The following HTT variants were observed in gnomAD, a reference collection of about 807,000 sequenced individuals.
HTT encodes huntington disease protein.
HTT carries 104 observed loss-of-function variants against 362.3 expected under a neutral mutation model. The ratio of observed to expected loss-of-function variants is 0.29; its 90% CI spans 0.24 to 0.34. The LOEUF is 0.34. Ranked by LOEUF, HTT falls within the 10% of genes least tolerant of loss-of-function variation. The pLI is 1.00. For missense variants in HTT, 3,301 were observed against 3,928.6 expected, an observed-to-expected ratio of 0.84 and a Z score of 4.27; for synonymous variants, 1,577 against 1,548.7, an observed-to-expected ratio of 1.02 and a Z score of -0.43.
chr4:3,077,553 G>A (rs6816428), intron 1 of HTT, among the ~76,000 whole-genome samples: 49 of 152,124 alleles, frequency 3.2e-4, no homozygotes, highest in African/African-American at 1.1e-3. Flanking sequence ...CTGAGTAGCT[G>A]GGATTACAGG....
chr4:3,175,725 C>T (rs1431817265), intron 33 of HTT, among the ~76,000 whole-genome samples: 1 of 152,208 alleles, frequency 6.6e-6, no homozygotes, highest in Non-Finnish European at 1.5e-5. Flanking sequence ...GCACATTTTC[C>T]TCAAGATTCG....
intron 40 of HTT, among the ~76,000 whole-genome samples, chr4:3,195,252 G>A (rs745535133): frequency 2.0e-5 from 3 of 152,082 alleles, no homozygotes; most frequent in Non-Finnish European, 2.9e-5. Context: ...ATTGGGATGC[G>A]ATCCCACATC....
chr4:3,198,338 C>T (rs190248248), intron 40 of HTT, among the ~76,000 whole-genome samples: 221 of 147,622 alleles, frequency 1.5e-3, no homozygotes, highest in African/African-American at 5.4e-3. Flanking sequence ...AATTCTTGTG[C>T]TCCCGCCTCC....
chr4:3,215,493 A>AAAGC (rs1720355757), intron 51 of HTT, among the ~76,000 whole-genome samples: 1 of 152,038 alleles, frequency 6.6e-6, no homozygotes, highest in Non-Finnish European at 1.5e-5. Flanking sequence ...CGCACTTCCC[A>AAAGC]CACTCTGCAG....
At chr4:3,237,702 G>T (rs533472608) in intron 64 of HTT, among the ~76,000 whole-genome samples, 1 of 152,306 alleles carries the variant, frequency 6.6e-6, no homozygotes, top group East Asian at 1.9e-4. Context: ...GCACCTGTGA[G>T]GAAGTGCACT....
chr4:3,122,933 A>G lies in HTT; in HGVS notation c.1318A>G (p.Lys440Glu), dbSNP rs775019691. Reference sequence around the variant, plus strand: ...CAGCCCTGTCCTTTCAAGAAAACAAAAAGGTGATTATTTCAGAAATCAGAG... The same window carrying G: ...CAGCCCTGTCCTTTCAAGAAAACAAGAAGGTGATTATTTCAGAAATCAGAG... ...SCSPVLSRKQ[K>E]GKVLLGEEEA... The change falls in exon 10 of 67, where the codon AAA (lysine) becomes GAA (glutamate). Residue 440 changes from lysine to glutamate, a missense_variant. Around this residue, in one of 4 missense-constraint regions of HTT, gnomAD observed 2,316 missense variants for 2,658.5 expected, o/e 0.87. Coordinates refer to ENST00000355072, the MANE Select transcript of HTT (RefSeq NM_001388492.1). 6.2e-7 allele frequency: 1 copy of G among 1,610,536 alleles called. No homozygotes were observed. The highest frequency in any genetic ancestry group is 1.1e-5 in the South Asian group (1 of 90,382).
intron 1 of HTT, among the ~76,000 whole-genome samples, chr4:3,080,718 A>C (rs932259521): frequency 2.0e-4 from 30 of 152,198 alleles, no homozygotes; most frequent in African/African-American, 7.2e-4. Context: ...TTCTTCTAAG[A>C]ATTTTAGAGT....
At chr4:3,189,197 C>A in intron 40 of HTT, 104 bp downstream of exon 40, 2 of 1,134,508 alleles carry the variant, frequency 1.8e-6, no homozygotes, top group Non-Finnish European at 2.5e-6. Context: ...CTCTGCCTTG[C>A]CCAGTGTGCC....
intron 41 of HTT, among the ~76,000 whole-genome samples, chr4:3,203,725 C>T (rs900653641): frequency 1.2e-4 from 18 of 152,310 alleles, no homozygotes; most frequent in African/African-American, 4.3e-4. Context: ...AATAAAGGTG[C>T]TGATTGAATG....
intron 35 of HTT, among the ~76,000 whole-genome samples, chr4:3,178,647 ATCT>A (rs1393850496): frequency 2.6e-5 from 4 of 152,202 alleles, no homozygotes; most frequent in African/African-American, 7.2e-5. Context: ...GCAATTTGTA[ATCT>A]TCTCAGGGAA....
chr4:3,139,473 C>G (rs917894945), intron 21 of HTT, among the ~76,000 whole-genome samples: 1 of 152,238 alleles, frequency 6.6e-6, no homozygotes, highest in Non-Finnish European at 1.5e-5. Flanking sequence ...GCTGGGATTA[C>G]AGGCGTGAGC....
intron 2 of HTT, among the ~76,000 whole-genome samples, chr4:3,098,181 T>A (rs1713961335): frequency 6.6e-6 from 1 of 152,372 alleles, no homozygotes; most frequent in South Asian, 2.1e-4. Flanking sequence ...AGACCTTTCC[T>A]CAGTTCGTTA....
At position 3,221,594 on chromosome 4, in the gene HTT, C is replaced by T. The variant is rs376349449; in HGVS notation, c.7370-793C>T. On this transcript the variant is annotated intron_variant, in intron 53 of 66. Coordinates refer to ENST00000355072, the MANE Select transcript of HTT (RefSeq NM_001388492.1). ...TGTTCTTTCTTTACCCCGTTTATCA[C>T]GGGGACCCCGATGTCCATTGCTCTA... Among the ~76,000 whole-genome samples the T allele has an allele frequency of 1.5e-4, 23 of 152,292 alleles. 1 individual carries two copies. In the South Asian group the frequency reaches 3.5e-3, roughly 23 times the overall value.
chr4:3,105,183 T>C (rs1408883081), intron 4 of HTT, among the ~76,000 whole-genome samples, 174 bp from the exon 5 acceptor site: 1 of 152,246 alleles, frequency 6.6e-6, no homozygotes, highest in Non-Finnish European at 1.5e-5. Context: ...TTACTTTATA[T>C]CTTTATAATT....
chr4:3,159,512 G>A (rs1442202236), intron 28 of HTT, among the ~76,000 whole-genome samples: 1 of 152,100 alleles, frequency 6.6e-6, no homozygotes, highest in Non-Finnish European at 1.5e-5. Context: ...TCTTTCCTTT[G>A]GCTGGCCTTA....
chr4:3,169,122 C>T (rs1047991089), intron 29 of HTT, among the ~76,000 whole-genome samples: 13 of 151,646 alleles, frequency 8.6e-5, no homozygotes, highest in Admixed American at 7.2e-4. Flanking sequence ...GGGTTCACGC[C>T]ATTCTCCTGC....
Position 3,125,421 on chromosome 4 carries a change from T to C in HTT, c.1322-128T>C, listed in dbSNP as rs1449505348. On this transcript the variant is annotated intron_variant, in intron 10 of 66. Transcript: ENST00000355072. Reference sequence around the variant, plus strand: ...TACTGTGGAGGTATAAAAATACTTATATATGATGATAAACTATATTAGAGT... The same window carrying C: ...TACTGTGGAGGTATAAAAATACTTACATATGATGATAAACTATATTAGAGT... 5.1e-6 allele frequency: 3 copies of C among 592,488 alleles called. 1 individual carries two copies. The highest frequency in any genetic ancestry group is 8.9e-6 in the Non-Finnish European group (3 of 335,414). The allele number at this position is 592,488 out of a possible 1,614,324, so 36.7% of individuals were successfully genotyped here. A position where few individuals can be genotyped will look rare whatever the true frequency, so the allele number is the denominator to read the frequency against.
intron 46 of HTT, among the ~76,000 whole-genome samples, chr4:3,209,360 C>T (rs773995948): frequency 1.3e-5 from 2 of 152,114 alleles, no homozygotes; most frequent in Non-Finnish European, 2.9e-5. Flanking sequence ...TTGGTAGAGC[C>T]TTGGTACTCT....
intron 52 of HTT, 39 bp from the exon 53 acceptor site, chr4:3,220,140 TGAC>T: frequency 6.2e-7 from 1 of 1,612,620 alleles, no homozygotes; most frequent in Non-Finnish European, 8.5e-7. Context: ...ATGTCTGTCC[TGAC>T]TCAACTCGGA....
Sources: allele counts gnomAD v4.1 joint callset (sites outside exome capture counted in the v4.1 genomes callset), GRCh38; gene constraint gnomAD v4.1.1; regional missense constraint gnomAD v4.1.1; transcripts MANE v1.5; gene names NCBI Gene and HGNC (gene_info 2026-07-23, HGNC 2026-07-21).